The following CKLF variants were observed in gnomAD, a reference collection of about 807,000 sequenced individuals.
The protein encoded by CKLF is chemokine-like factor.
Under a neutral mutation model 12.9 loss-of-function variants are expected in CKLF, and 16 were observed. That is an observed-to-expected ratio of 1.24 (90% CI 0.84 to 1.88). The LOEUF is 1.88. Ranked by LOEUF, CKLF falls within the 40% of genes most tolerant of loss-of-function variation. CKLF has a pLI of 0.00. For missense variants in CKLF, 172 were observed against 188.5 expected, an observed-to-expected ratio of 0.91 and a Z score of 0.51; for synonymous variants, 61 against 69.0, an observed-to-expected ratio of 0.88 and a Z score of 0.57.
chr16:66,560,869 T>C (rs1346009099), intron 2 of CKLF, among the ~76,000 whole-genome samples: 1 of 151,776 alleles, frequency 6.6e-6, no homozygotes, highest in Non-Finnish European at 1.5e-5. Flanking sequence ...CTGGTGACCT[T>C]TTCCAGAGGA....
rs181818699 is a variant in CKLF, at chr16:66,555,237, A to C, written c.78+2444A>C. Among the ~76,000 whole-genome samples, 31 of 152,326 alleles carry C rather than the reference A, an allele frequency of 2.0e-4. No homozygotes were observed. In the East Asian group the frequency reaches 6.0e-3, roughly 29 times the overall value. On this transcript the variant is annotated intron_variant, in intron 1 of 3. Coordinates refer to ENST00000264001, the MANE Select transcript of CKLF (RefSeq NM_016951.4). ...GGGTGACAAAGTGAGCCTCCGTCTC[A>C]AAAACAAACAAAAATATACTAGCTG...
intron 2 of CKLF, among the ~76,000 whole-genome samples, chr16:66,560,269 A>G (rs1965124159): frequency 6.6e-6 from 1 of 152,182 alleles, no homozygotes; most frequent in Admixed American, 6.5e-5. Context: ...TGTGAACAAG[A>G]GCTGGGGCAA....
chr16:66,565,103 G>A (rs1461290939), intron 3 of CKLF, among the ~76,000 whole-genome samples: 2 of 152,160 alleles, frequency 1.3e-5, no homozygotes, highest in African/African-American at 4.8e-5. Flanking sequence ...TTGGTAGGAG[G>A]TATTCAGTGT....
intron 3 of CKLF, among the ~76,000 whole-genome samples, chr16:66,563,834 ATTC>A (rs1007510151): frequency 3.3e-5 from 5 of 152,208 alleles, no homozygotes; most frequent in Non-Finnish European, 5.9e-5. Context: ...TCTATCTGAT[ATTC>A]TTCTAAGATT....
At chr16:66,554,645 C>T (rs551408201) in intron 1 of CKLF, among the ~76,000 whole-genome samples, 2 of 152,194 alleles carry the variant, frequency 1.3e-5, no homozygotes, top group Admixed American at 6.5e-5. Flanking sequence ...AAAGTAAAAG[C>T]CAGGTAAGGG....
rs577392802 is a variant in CKLF at position 66,552,612 on chromosome 16, C to T, written c.-104C>T. ...GAGCTGGGCGAGAAGTAGGGGAGGG[C>T]GGTGCTCCGCCGCGGTGGCGGTTGC... On this transcript the variant is annotated 5_prime_UTR_variant, in exon 1 of 4. Coordinates refer to ENST00000264001, the MANE Select transcript of CKLF (RefSeq NM_016951.4). 4.9e-4 allele frequency: 757 copies of T among 1,560,366 alleles called. 5 individuals carry two copies. Among genetic ancestry groups the T allele is most frequent in the Non-Finnish European group, 7.2e-5 (82 of 1,137,266 alleles).
intron 3 of CKLF, among the ~76,000 whole-genome samples, chr16:66,564,222 A>G (rs2011965604): frequency 6.6e-6 from 1 of 152,214 alleles, no homozygotes; most frequent in South Asian, 2.1e-4. Flanking sequence ...CTGACAAAAT[A>G]TAGAGCTGTG....
chr16:66,565,810 C>A, intron 3 of CKLF, 76 bp from the exon 4 acceptor site: 1 of 1,391,070 alleles, frequency 7.2e-7, no homozygotes, highest in Non-Finnish European at 1.0e-6. Flanking sequence ...ATCTGGTGGG[C>A]AGACCACTTA....
chr16:66,558,349 G>C lies in CKLF; in HGVS notation c.237+1G>C, dbSNP rs780766283. ...GAAGTGGTTATTTTGGCCTTTGCTT[G>C]TAAGTGTTCAGTTTCATCCTTAAAT... is the stretch of plus-strand genomic sequence containing the variant. On this transcript the variant is annotated splice_donor_variant, in intron 2 of 3. Coordinates refer to ENST00000264001, the MANE Select transcript of CKLF (RefSeq NM_016951.4). LOFTEE classifies it high-confidence loss of function. The C allele has an allele frequency of 6.2e-7, 1 of 1,601,184 alleles. No individual in the cohort carries two copies. The highest frequency in any genetic ancestry group is 1.8e-5 in the Admixed American group (1 of 55,700).
Position 66,558,427 on chromosome 16 carries a change from CT to C in CKLF, c.237+80del, listed in dbSNP as rs2011535007. 3 of 1,527,890 alleles carry C rather than the reference CT, an allele frequency of 2.0e-6. No individual in the cohort carries two copies. The African/African-American group carries it at 4.2e-5, about 21-fold the overall frequency. The allele number at this position is 1,527,890 out of a possible 1,614,324, so 94.6% of individuals were successfully genotyped here. Reference sequence around the variant, plus strand: ...TTCTAATGAACTCTGTTTTTTGCTTCTCTTAAACCTTTAAGGTAATCTCTGT... The same window carrying C: ...TTCTAATGAACTCTGTTTTTTGCTTCCTTAAACCTTTAAGGTAATCTCTGT... On this transcript the variant is annotated intron_variant, in intron 2 of 3. Coordinates refer to ENST00000264001, the MANE Select transcript of CKLF (RefSeq NM_016951.4).
intron 1 of CKLF, among the ~76,000 whole-genome samples, chr16:66,557,881 C>G (rs546535127): frequency 2.6e-5 from 4 of 152,114 alleles, no homozygotes; most frequent in Non-Finnish European, 5.9e-5. Context: ...GAGGAATACC[C>G]AGTCCTCTAA....
rs771040088 is a variant in CKLF, at chr16:66,565,964, G to C, written c.412G>C (p.Gly138Arg). The C allele has an allele frequency of 6.2e-7, 1 of 1,613,418 alleles. No homozygotes were observed. The highest frequency in any genetic ancestry group is 1.7e-5 in the Admixed American group (1 of 60,008). ...IYRKLLFNPS[G>R]PYQKKPVHEK... ...CCGGAAGCTTCTGTTCAATCCCAGC[G>C]GTCCTTACCAGAAAAAGCCTGTGCA... Residue 138 changes from glycine (G) to arginine (R), a missense_variant, in exon 4 of 4, where the codon GGT becomes CGT. Transcript: ENST00000264001.
chr16:66,558,410 A>G (rs948163315), intron 2 of CKLF, 62 bp downstream of exon 2: 37 of 1,558,230 alleles, frequency 2.4e-5, no homozygotes, highest in Non-Finnish European at 3.1e-5. Context: ...TATTCTAATG[A>G]ACTCTGTTTT....
intron 2 of CKLF, among the ~76,000 whole-genome samples, chr16:66,559,425 G>A (rs895676671): frequency 1.1e-4 from 16 of 152,162 alleles, no homozygotes; most frequent in Non-Finnish European, 1.8e-4. Context: ...GCTGGACTTC[G>A]TTGGAGGGAG....
At chr16:66,553,423 C>A (rs1043866873) in intron 1 of CKLF, 38 of 152,172 alleles carry the variant, frequency 2.5e-4, no homozygotes, top group African/African-American at 8.9e-4. Context: ...AAGGAGAGAA[C>A]TGCTCGTTTC....
chr16:66,564,572 G>A (rs528910322), intron 3 of CKLF, among the ~76,000 whole-genome samples: 4 of 151,216 alleles, frequency 2.6e-5, no homozygotes, highest in African/African-American at 4.9e-5. Context: ...CCGGGTTCAC[G>A]CCATTCTCCT....
intron 1 of CKLF, among the ~76,000 whole-genome samples, chr16:66,553,207 T>C (rs1014338012): frequency 1.1e-4 from 16 of 151,340 alleles, no homozygotes; most frequent in Admixed American, 5.3e-4. Context: ...AAAAATCAGA[T>C]CTACCCAAAT....
At chr16:66,560,798 TACACACACACAC>T (rs58084691) in intron 2 of CKLF, among the ~76,000 whole-genome samples, 80 of 143,760 alleles carry the variant, frequency 5.6e-4, no homozygotes, top group African/African-American at 9.5e-4. Flanking sequence ...AAGATAAGTA[TACACACACACAC>T]ACACACACAC....
At chr16:66,555,792 G>A (rs757668272) in intron 1 of CKLF, among the ~76,000 whole-genome samples, 15 of 152,180 alleles carry the variant, frequency 9.9e-5, no homozygotes, top group Non-Finnish European at 1.9e-4. Flanking sequence ...TGGAAAAGAC[G>A]ATGAAAGGCA....
Sources: allele counts gnomAD v4.1 joint callset (sites outside exome capture counted in the v4.1 genomes callset), GRCh38; gene constraint gnomAD v4.1.1; transcripts MANE v1.5; gene names NCBI Gene and HGNC (gene_info 2026-07-23, HGNC 2026-07-21).